TRPV3: variants seen among roughly 807,000 people sequenced by gnomAD.
TRPV3 encodes the protein transient receptor potential cation channel subfamily V member 3, also known as VRL-3.
In TRPV3, 88 loss-of-function variants were observed where a neutral mutation model predicts 87.1. The observed-to-expected ratio is 1.01, with a 90% CI of 0.85 to 1.21. The LOEUF (loss-of-function observed/expected upper bound fraction) is 1.21. Ranked by LOEUF, TRPV3 falls within the 50% of genes most tolerant of loss-of-function variation. TRPV3 has a pLI of 0.00. For missense variants in TRPV3, 1,054 were observed against 1,030.1 expected, an observed-to-expected ratio of 1.02 and a Z score of -0.32; for synonymous variants, 438 against 423.3, an observed-to-expected ratio of 1.03 and a Z score of -0.43.
At chr17:3,527,040 G>C in intron 11 of TRPV3, 113 bp from the exon 12 acceptor site, 1 of 816,068 alleles carries the variant, frequency 1.2e-6, no homozygotes, top group Non-Finnish European at 2.0e-6. Context: ...ATGCACAAAG[G>C]CCCAGCTAGA....
Position 3,520,961 on chromosome 17 carries a change from TA to T in TRPV3, c.1810+11del, listed in dbSNP as rs772632790. 9 of 1,562,870 alleles carry T rather than the reference TA, an allele frequency of 5.8e-6. No individual in the cohort carries two copies. The South Asian group carries it at 1.0e-4, about 17-fold the overall frequency. On this transcript the variant is annotated intron_variant, in intron 14 of 17. Coordinates refer to ENST00000576742, the MANE Select transcript of TRPV3 (RefSeq NM_145068.4). ...TAAATGTGGGAGTTACTATTATTTATAAATCAATTACCTACTCCAAATCCAA... is the reference window on the plus strand; with the variant it reads ...TAAATGTGGGAGTTACTATTATTTATAATCAATTACCTACTCCAAATCCAA...
chr17:3,534,797 G>A (rs919140280), intron 7 of TRPV3, among the ~76,000 whole-genome samples: 1 of 152,064 alleles, frequency 6.6e-6, no homozygotes, highest in Non-Finnish European at 1.5e-5. Context: ...TGGAGGCCAG[G>A]ACACCTAAGT....
chr17:3,549,014 C>A (rs548069319), intron 2 of TRPV3, among the ~76,000 whole-genome samples: 1 of 152,262 alleles, frequency 6.6e-6, no homozygotes, highest in East Asian at 1.9e-4. Context: ...CTGCAGTGCC[C>A]CAGAACTTTT....
rs369582618 is a variant in TRPV3 at position 3,514,028 on chromosome 17, T to C, written c.2279-17A>G. ...TGTTGAAATCTGCTTTTTAAAAAAA[T>C]ATATATTTTAGAAATATATCACTCT... is the stretch of plus-strand genomic sequence containing the variant. On this transcript the variant is annotated splice_polypyrimidine_tract_variant and intron_variant, in intron 17 of 17. Coordinates refer to ENST00000576742, the MANE Select transcript of TRPV3 (RefSeq NM_145068.4). The C allele has an allele frequency of 2.2e-4, 352 of 1,582,726 alleles. 2 individuals are homozygous for C. In the South Asian group the frequency reaches 3.6e-3, roughly 16 times the overall value.
At chr17:3,541,961 A>G (rs2150800270) in intron 6 of TRPV3, among the ~76,000 whole-genome samples, 1 of 151,836 alleles carries the variant, frequency 6.6e-6, no homozygotes, top group African/African-American at 2.4e-5. Context: ...TTCTGTCTTT[A>G]CTTATTTATT....
chr17:3,529,803 C>T (rs2074332789), intron 9 of TRPV3, among the ~76,000 whole-genome samples: 1 of 150,224 alleles, frequency 6.7e-6, no homozygotes, highest in Admixed American at 6.7e-5. Context: ...GCCACCACCA[C>T]TCAGGTCTAC....
chr17:3,547,151 C>T (rs577218999), intron 2 of TRPV3, among the ~76,000 whole-genome samples: 4 of 152,312 alleles, frequency 2.6e-5, no homozygotes, highest in Admixed American at 2.6e-4. Flanking sequence ...CCCGTCACCA[C>T]CTACCCACCC....
At chr17:3,519,139 T>C (rs1046119762) in intron 14 of TRPV3, among the ~76,000 whole-genome samples, 2 of 152,220 alleles carry the variant, frequency 1.3e-5, no homozygotes, top group African/African-American at 2.4e-5. Context: ...ATAATCCATG[T>C]GTGTGTCCCT....
rs913608955 is a variant in TRPV3, at chr17:3,556,844, G to A, written c.-3+832C>T. 3.3e-5 allele frequency among the ~76,000 whole-genome samples: 5 copies of A among 152,098 alleles called. No individual in the cohort carries two copies. Among genetic ancestry groups the A allele is most frequent in the Admixed American group, 2.0e-4 (3 of 15,288 alleles). ...CCTCTATGGCTTTCCCCATCCCCAC[G>A]TGGCCTTTGGTGGACTAAAAGGCTG... On this transcript the variant is annotated intron_variant, in intron 1 of 17. Coordinates refer to ENST00000576742, the MANE Select transcript of TRPV3 (RefSeq NM_145068.4). The surrounding 1 kb of genome is among the most constrained non-coding windows in gnomAD (Gnocchi z 4.2).
In TRPV3 at chr17:3,513,809, G is replaced by A; in HGVS notation, c.*108C>T. On this transcript the variant is annotated 3_prime_UTR_variant, in exon 18 of 18. Transcript: ENST00000576742. ...GCACGAGGGTGCACTCTGCTTCTAG[G>A]CCAGCAGAGCCGGACTCCACCATCC... The A allele has an allele frequency of 1.1e-6, 1 of 928,220 alleles. No homozygotes were observed. The highest frequency in any genetic ancestry group is 2.1e-5 in the Admixed American group (1 of 47,784). 57.5% of individuals were successfully genotyped at this position (928,220 alleles called of 1,614,324 possible).
chr17:3,533,022 A>C, intron 7 of TRPV3, 85 bp from the exon 8 acceptor site: 2 of 1,494,502 alleles, frequency 1.3e-6, no homozygotes, highest in Non-Finnish European at 1.8e-6. Context: ...CCCATATCCT[A>C]TCTCAGCAGG....
chr17:3,522,305 G>A lies in TRPV3; in HGVS notation c.1744-1266C>T, dbSNP rs575099408. The stretch of plus-strand genomic sequence containing the variant: ...TGGTAGCTGGAAATTGGCCCTGAGA[G>A]GAGAACAGTAGTCCGCCCTTCTCTT... On this transcript the variant is annotated intron_variant, in intron 13 of 17. Transcript: ENST00000576742. Among the ~76,000 whole-genome samples the A allele has an allele frequency of 5.9e-5, 9 of 152,270 alleles. No homozygotes were observed. The East Asian group carries it at 9.6e-4, about 16-fold the overall frequency.
chr17:3,517,192 G>A (rs921209306), intron 15 of TRPV3, among the ~76,000 whole-genome samples: 1 of 152,012 alleles, frequency 6.6e-6, no homozygotes, highest in Non-Finnish European at 1.5e-5. Flanking sequence ...TGAAAGTGCT[G>A]GGGTCCTGGA....
chr17:3,546,723 A>C, intron 2 of TRPV3: 1 of 454,278 alleles, frequency 2.2e-6, no homozygotes, highest in Non-Finnish European at 4.4e-6. Flanking sequence ...CATGCCTGTA[A>C]TCCCAGCCCT....
chr17:3,553,817 T>C (rs2074600720), intron 2 of TRPV3: 1 of 152,222 alleles, frequency 6.6e-6, no homozygotes, highest in Admixed American at 6.5e-5. Context: ...GACACCTCAA[T>C]GATTATAGCT....
At position 3,544,601 on chromosome 17, in the gene TRPV3, G is replaced by A. The variant is rs777803230; in HGVS notation, c.289C>T (p.Pro97Ser). The A allele has an allele frequency of 3.1e-6, 5 of 1,607,464 alleles. No individual in the cohort carries two copies. In the South Asian group the frequency reaches 3.3e-5, roughly 11 times the overall value. ...QSPQDDVTET[P>S]SNPNSPSAQL... ...TACCTGGGGCTGTTGGGATTGGATG[G>A]GGTCTCTGTCACATCATCCTGAGGA... Residue 97 changes from proline to serine, a missense_variant, in exon 4 of 18, where the codon CCA (proline) becomes TCA (serine). Coordinates refer to ENST00000576742, the MANE Select transcript of TRPV3 (RefSeq NM_145068.4).
chr17:3,515,521 C>T (rs1268985507), intron 16 of TRPV3, among the ~76,000 whole-genome samples: 4 of 152,136 alleles, frequency 2.6e-5, no homozygotes, highest in Non-Finnish European at 4.4e-5. Context: ...ATTATCCAGG[C>T]GTGGTGGCAT....
chr17:3,522,594 CG>C (rs1208929448), intron 13 of TRPV3, among the ~76,000 whole-genome samples: 1 of 145,118 alleles, frequency 6.9e-6, no homozygotes, highest in Admixed American at 6.9e-5. Flanking sequence ...CCGAGGCGGA[CG>C]GATCACCTGA....
intron 13 of TRPV3, among the ~76,000 whole-genome samples, chr17:3,522,889 T>C (rs1312866892): frequency 6.6e-6 from 1 of 151,872 alleles, no homozygotes; most frequent in African/African-American, 2.4e-5. Context: ...CAATAAACTG[T>C]ATTGTATAGT....
Sources: gnomAD v4.1 joint callset for allele counts (sites outside exome capture counted in the v4.1 genomes callset) on GRCh38, gnomAD v4.1.1 for gene constraint, Gnocchi (gnomAD v3.1) non-coding constraint, MANE v1.5 for transcripts, NCBI Gene and HGNC (gene_info 2026-07-23, HGNC 2026-07-21) for gene names.